LRP1B: variants seen among roughly 807,000 people sequenced by gnomAD.
LRP1B encodes the protein LDL receptor related protein 1B, also known as low-density lipoprotein receptor-related protein 1B.
LRP1B carries 217 observed loss-of-function variants against 556.6 expected under a neutral mutation model. The ratio of observed to expected loss-of-function variants is 0.39; its 90% CI spans 0.35 to 0.44. The LOEUF is 0.44. LRP1B is among the 20% of genes least tolerant of loss of function. LRP1B has a pLI of 1.00. For synonymous variants in LRP1B, 2,047 were observed against 1,865.8 expected, an observed-to-expected ratio of 1.10 and a Z score of -2.50; for missense variants, 5,053 against 5,620.8, an observed-to-expected ratio of 0.90 and a Z score of 3.23.
chr2:140,328,029 T>G (rs1280328634), intron 79 of LRP1B, among the ~76,000 whole-genome samples: 2 of 152,062 alleles, frequency 1.3e-5, no homozygotes, highest in South Asian at 4.1e-4. Flanking sequence ...ACTTTTCCTG[T>G]TACAGAGATG....
chr2:141,567,969 T>C (rs1445130763), intron 2 of LRP1B, among the ~76,000 whole-genome samples: 1 of 150,292 alleles, frequency 6.7e-6, no homozygotes, highest in Non-Finnish European at 1.5e-5. Flanking sequence ...CCTGATATTA[T>C]TGGTTCAGTT....
At chr2:140,457,765 G>A (rs1414209073) in intron 60 of LRP1B, 114 bp from the exon 61 acceptor site, 1 of 833,168 alleles carries the variant, frequency 1.2e-6, no homozygotes, top group Non-Finnish European at 1.9e-6. Context: ...GTGAATAATT[G>A]CTGTGACAAC....
intron 35 of LRP1B, among the ~76,000 whole-genome samples, chr2:140,768,224 A>T (rs1161084487): frequency 6.6e-6 from 1 of 151,948 alleles, no homozygotes; most frequent in Non-Finnish European, 1.5e-5. Context: ...GTAATTCATT[A>T]ACTTGTAGTC....
At chr2:141,255,715 T>C (rs1684436765) in intron 3 of LRP1B, among the ~76,000 whole-genome samples, 1 of 151,894 alleles carries the variant, frequency 6.6e-6, no homozygotes, top group South Asian at 2.1e-4. Context: ...ACTGAAGCAA[T>C]CAGAAGAGAT....
intron 2 of LRP1B, among the ~76,000 whole-genome samples, chr2:141,554,295 A>G (rs1378859562): frequency 6.9e-6 from 1 of 145,902 alleles, no homozygotes; most frequent in African/African-American, 2.5e-5. Flanking sequence ...ACATAGATAT[A>G]GATTATATAT....
chr2:141,972,587 CAAAA>C (rs58540950), intron 1 of LRP1B, among the ~76,000 whole-genome samples: 1 of 143,966 alleles, frequency 6.9e-6, no homozygotes. Flanking sequence ...AATGCAGGTG[CAAAA>C]AAAAAAAAAG....
rs955961398 is a variant in LRP1B at position 141,028,265 on chromosome 2, T to C, written c.1790-8163A>G. Among the ~76,000 whole-genome samples the C allele has an allele frequency of 1.1e-4, 16 of 151,820 alleles. 2 individuals carry two copies. In the South Asian group the frequency reaches 2.7e-3, roughly 26 times the overall value. On this transcript the variant is annotated intron_variant, in intron 11 of 90. Coordinates refer to ENST00000389484, the MANE Select transcript of LRP1B (RefSeq NM_018557.3). ...GTATAATAAGATAAATAAATACTTA[T>C]GATTCCACAGTAAAAGTATAAGAGG...
intron 43 of LRP1B, among the ~76,000 whole-genome samples, chr2:140,580,316 T>C (rs563651056): frequency 1.3e-5 from 2 of 152,202 alleles, no homozygotes; most frequent in East Asian, 1.9e-4. Context: ...AATACTATCA[T>C]GCATTCCACA....
intron 31 of LRP1B, among the ~76,000 whole-genome samples, chr2:140,832,386 C>T (rs8179746): frequency 0.82 from 124,702 of 152,096 alleles, 51,839 homozygotes; most frequent in East Asian, 0.99. Flanking sequence ...AGCTACCATA[C>T]GATCCAGCAA....
intron 2 of LRP1B, among the ~76,000 whole-genome samples, chr2:141,514,764 C>T (rs749825667): frequency 1.1e-4 from 17 of 152,140 alleles, no homozygotes; most frequent in Admixed American, 2.0e-4. Context: ...TACAGTTGGG[C>T]AAAATTATCT....
At chr2:140,771,958 G>A (rs1204631502) in intron 33 of LRP1B, among the ~76,000 whole-genome samples, 1 of 152,112 alleles carries the variant, frequency 6.6e-6, no homozygotes, top group Admixed American at 6.6e-5. Context: ...ATTCAAGATG[G>A]TCTGATGAGA....
intron 41 of LRP1B, among the ~76,000 whole-genome samples, chr2:140,619,047 T>G (rs1683357604): frequency 6.6e-6 from 1 of 150,744 alleles, no homozygotes; most frequent in East Asian, 2.0e-4. Context: ...GATAATGATT[T>G]AGAATCTGAT....
rs1698020721 is a variant in LRP1B at position 141,020,041 on chromosome 2, A to G, written c.1851T>C (p.Asn617=). 1 of 1,612,018 alleles carries G rather than the reference A, an allele frequency of 6.2e-7. No homozygotes were observed. The highest frequency in any genetic ancestry group is 8.5e-7 in the Non-Finnish European group (1 of 1,178,670). ...DWIGNNLYWT[N]DGHRKTINVA... ...CATTAATGGTTTTCCTATGGCCATC[A>G]TTGGTCCAGTAAAGATTATTTCCAA... Residue 617 remains asparagine, a synonymous_variant, in exon 12 of 91, where the codon AAT becomes AAC. Coordinates refer to ENST00000389484, the MANE Select transcript of LRP1B (RefSeq NM_018557.3).
At chr2:142,118,776 A>G (rs568009155) in intron 1 of LRP1B, among the ~76,000 whole-genome samples, 96 of 152,268 alleles carry the variant, frequency 6.3e-4, no homozygotes, top group African/African-American at 2.1e-3. Flanking sequence ...CCCCTCTGCT[A>G]AAGTACACAG....
At chr2:140,779,236 A>G (rs1335823527) in intron 32 of LRP1B, among the ~76,000 whole-genome samples, 2 of 152,170 alleles carry the variant, frequency 1.3e-5, no homozygotes, top group Admixed American at 1.3e-4. Flanking sequence ...TGGAGATAAG[A>G]AAAAGGTAAG....
At chr2:140,662,839 T>C (rs1559040038) in intron 41 of LRP1B, among the ~76,000 whole-genome samples, 1 of 152,068 alleles carries the variant, frequency 6.6e-6, no homozygotes, top group African/African-American at 2.4e-5. Context: ...TTTACACATA[T>C]AAAGAGGAAA....
chr2:140,767,113 GGT>G, intron 35 of LRP1B, among the ~76,000 whole-genome samples: 1 of 151,480 alleles, frequency 6.6e-6, no homozygotes, highest in Non-Finnish European at 1.5e-5. Flanking sequence ...GCTAAACTCT[GGT>G]TTCTTCCAAC....
chr2:141,002,029 C>A lies in LRP1B; in HGVS notation c.2503+3306G>T, dbSNP rs1285634402. 2.6e-5 allele frequency among the ~76,000 whole-genome samples: 4 copies of A among 152,036 alleles called. No homozygotes were observed. The East Asian group carries it at 7.7e-4, about 29-fold the overall frequency. On this transcript the variant is annotated intron_variant, in intron 15 of 90. Coordinates refer to ENST00000389484, the MANE Select transcript of LRP1B (RefSeq NM_018557.3). ...TAAGTTGTTCAAAGTCATGCTTAATCCCTGCCTGTTGGCAAACTGTGGATC... is the reference window on the plus strand; with the variant it reads ...TAAGTTGTTCAAAGTCATGCTTAATACCTGCCTGTTGGCAAACTGTGGATC...
chr2:140,601,307 T>TAA, intron 42 of LRP1B, 143 bp downstream of exon 42: 5 of 700,528 alleles, frequency 7.1e-6, no homozygotes, highest in Non-Finnish European at 8.4e-6. Flanking sequence ...TGCTCTTACA[T>TAA]AAAAAAAAAA....
Sources: allele counts gnomAD v4.1 joint callset (sites outside exome capture counted in the v4.1 genomes callset), GRCh38; gene constraint gnomAD v4.1.1; transcripts MANE v1.5; gene names NCBI Gene and HGNC (gene_info 2026-07-23, HGNC 2026-07-21).